PRUNE2: variants seen among roughly 807,000 people sequenced by gnomAD.
PRUNE2 encodes the protein protein prune homolog 2.
PRUNE2 carries 164 observed loss-of-function variants against 252.0 expected under a neutral mutation model. That is an observed-to-expected ratio of 0.65 (90% CI 0.57 to 0.74). PRUNE2 has a LOEUF of 0.74. Among genes scored for constraint, PRUNE2 ranks in the 30% least tolerant of loss-of-function variants. The pLI is 0.00. For missense variants in PRUNE2, 3,495 were observed against 3,711.0 expected, an observed-to-expected ratio of 0.94 and a Z score of 1.51; for synonymous variants, 1,292 against 1,350.2, an observed-to-expected ratio of 0.96 and a Z score of 0.94.
chr9:76,799,543 G>A (rs368161216), intron 6 of PRUNE2, among the ~76,000 whole-genome samples: 17 of 152,234 alleles, frequency 1.1e-4, no homozygotes, highest in African/African-American at 4.1e-4. Context: ...GAAAGAGGCA[G>A]GATCATTTGT....
chr9:76,744,689 C>A (rs773643897), intron 6 of PRUNE2, among the ~76,000 whole-genome samples: 1 of 152,116 alleles, frequency 6.6e-6, no homozygotes, highest in African/African-American at 2.4e-5. Context: ...CTTCCCTATC[C>A]GACTCCTACC....
At chr9:76,717,883 A>C (rs537582088) in intron 6 of PRUNE2, among the ~76,000 whole-genome samples, 13 of 152,286 alleles carry the variant, frequency 8.5e-5, no homozygotes, top group African/African-American at 3.1e-4. Flanking sequence ...ATGACTAAAC[A>C]TTTTTAGAGG....
chr9:76,880,263 A>G (rs1316584661), intron 1 of PRUNE2, among the ~76,000 whole-genome samples: 1 of 152,082 alleles, frequency 6.6e-6, no homozygotes, highest in Non-Finnish European at 1.5e-5. Flanking sequence ...CACATAATTC[A>G]CAATTCCTGT....
intron 6 of PRUNE2, among the ~76,000 whole-genome samples, chr9:76,752,386 C>G (rs916324259): frequency 6.6e-6 from 1 of 152,128 alleles, no homozygotes; most frequent in Non-Finnish European, 1.5e-5. Context: ...CGTGAGCCAC[C>G]GCGCCCGGCA....
intron 6 of PRUNE2, chr9:76,739,760 G>A (rs1236528899): frequency 6.6e-6 from 1 of 152,088 alleles, no homozygotes; most frequent in Admixed American, 6.6e-5. Flanking sequence ...TTGTAGATGG[G>A]GGACTACAGA....
At chr9:76,632,430 G>T (rs990428792) in intron 15 of PRUNE2, among the ~76,000 whole-genome samples, 2 of 152,228 alleles carry the variant, frequency 1.3e-5, no homozygotes, top group African/African-American at 2.4e-5. Context: ...TTAAGTACTT[G>T]ATGTAGGTTT....
At position 76,699,711 on chromosome 9, in the gene PRUNE2, C is replaced by G. The variant is rs377158252; in HGVS notation, c.8276+3626G>C. ...TCCTTAAAATTCTCTCAGTAGCTAGCTAGATAGCAAGATGGAGATCTAAAT... is the reference window on the plus strand; with the variant it reads ...TCCTTAAAATTCTCTCAGTAGCTAGGTAGATAGCAAGATGGAGATCTAAAT... On this transcript the variant is annotated intron_variant, in intron 9 of 18. Transcript: ENST00000376718. Among the ~76,000 whole-genome samples the G allele has an allele frequency of 6.0e-4, 91 of 152,332 alleles. 2 individuals carry two copies. The South Asian group carries it at 0.018, about 31-fold the overall frequency.
At chr9:76,856,937 A>G (rs2060282345) in intron 1 of PRUNE2, among the ~76,000 whole-genome samples, 1 of 152,044 alleles carries the variant, frequency 6.6e-6, no homozygotes, top group Non-Finnish European at 1.5e-5. Flanking sequence ...TATTTTTAGT[A>G]GAGACGGAGT....
intron 9 of PRUNE2, among the ~76,000 whole-genome samples, chr9:76,668,375 TCATG>T (rs1235368688): frequency 1.3e-5 from 2 of 152,160 alleles, no homozygotes; most frequent in Non-Finnish European, 2.9e-5. Flanking sequence ...CTTCCCTACA[TCATG>T]CTATCTTGTT....
intron 6 of PRUNE2, among the ~76,000 whole-genome samples, chr9:76,762,698 C>T (rs78705373): frequency 3.3e-5 from 5 of 152,086 alleles, no homozygotes; most frequent in Admixed American, 2.0e-4. Flanking sequence ...TGTATGGAGG[C>T]GGAGGTCCCT....
intron 4 of PRUNE2, among the ~76,000 whole-genome samples, chr9:76,830,665 G>GAAAAAAAAAAAAAAA (rs1268823852): frequency 1.1e-5 from 1 of 88,530 alleles, no homozygotes. Context: ...AACAAAAAAA[G>GAAAAAAAAAAAAAAA]AAAAAAAAAA....
chr9:76,889,236 G>A (rs945803029), intron 1 of PRUNE2, among the ~76,000 whole-genome samples: 2 of 152,110 alleles, frequency 1.3e-5, no homozygotes, highest in Non-Finnish European at 2.9e-5. Flanking sequence ...AAGCATAAGG[G>A]ATATGAAGAA....
intron 6 of PRUNE2, among the ~76,000 whole-genome samples, chr9:76,805,174 G>A (rs558396372): frequency 6.3e-4 from 96 of 152,294 alleles, no homozygotes; most frequent in Non-Finnish European, 3.2e-4. Context: ...AGCTGCCCCC[G>A]CATTTGTTCC....
chr9:76,890,553 T>G (rs1484427612), intron 1 of PRUNE2, among the ~76,000 whole-genome samples: 1 of 152,228 alleles, frequency 6.6e-6, no homozygotes, highest in Non-Finnish European at 1.5e-5. Context: ...CCCCACAGCA[T>G]GCTAATTATT....
chr9:76,801,734 T>C (rs1336171250), intron 6 of PRUNE2, among the ~76,000 whole-genome samples: 3 of 152,188 alleles, frequency 2.0e-5, no homozygotes, highest in Non-Finnish European at 4.4e-5. Context: ...TTTTCTATAA[T>C]GGTAAATGTG....
At chr9:76,704,554 C>T (rs2046167885) in intron 8 of PRUNE2, among the ~76,000 whole-genome samples, 1 of 152,148 alleles carries the variant, frequency 6.6e-6, no homozygotes. Context: ...TAGAGTCATT[C>T]GATTTTCTCG....
chr9:76,798,540 G>A (rs1304003947), intron 6 of PRUNE2, among the ~76,000 whole-genome samples: 1 of 152,136 alleles, frequency 6.6e-6, no homozygotes, highest in East Asian at 1.9e-4. Context: ...ATCTGTGAAT[G>A]GACACTTGAG....
intron 9 of PRUNE2, among the ~76,000 whole-genome samples, chr9:76,675,037 T>C (rs897226394): frequency 0.031 from 1,556 of 49,456 alleles, 216 homozygotes; most frequent in African/African-American, 0.066. Context: ...CCAAAAGCAA[T>C]GGCAACAAAA....
At chr9:76,761,016 G>A (rs1007871696) in intron 6 of PRUNE2, among the ~76,000 whole-genome samples, 6 of 149,438 alleles carry the variant, frequency 4.0e-5, no homozygotes, top group African/African-American at 1.5e-4. Context: ...AACCCAGGAG[G>A]CAGAGGTTGC....
Sources: allele counts gnomAD v4.1 joint callset (sites outside exome capture counted in the v4.1 genomes callset), GRCh38; gene constraint gnomAD v4.1.1; transcripts MANE v1.5; gene names NCBI Gene and HGNC (gene_info 2026-07-23, HGNC 2026-07-21).